The following STX1A variants were observed in gnomAD, a reference collection of about 807,000 sequenced individuals.
STX1A encodes the protein syntaxin 1A.
STX1A carries 4 observed loss-of-function variants against 37.8 expected under a neutral mutation model. The observed-to-expected ratio is 0.11, with a 90% confidence interval of 0.05 to 0.24. The LOEUF is 0.24. STX1A is among the 10% of genes least tolerant of loss of function. STX1A has a pLI of 1.00. For missense variants in STX1A, 251 were observed against 399.9 expected, an observed-to-expected ratio of 0.63 and a Z score of 3.18; for synonymous variants, 135 against 147.4, an observed-to-expected ratio of 0.92 and a Z score of 0.61.
rs1263188006 is a variant in STX1A, at chr7:73,708,725, CA to C, written c.109-38del. 4 of 1,600,070 alleles carry C rather than the reference CA, an allele frequency of 2.5e-6. No homozygotes were observed. The African/African-American group carries it at 5.4e-5, about 21-fold the overall frequency. ...GGCCAGGTGGTCAGGAGAAGGAAATCAGGGGAGAAGCCTTCTGGGGCCCAGA... is the reference window on the plus strand; with the variant it reads ...GGCCAGGTGGTCAGGAGAAGGAAATCGGGGAGAAGCCTTCTGGGGCCCAGA... On this transcript the variant is annotated intron_variant, in intron 2 of 9. Coordinates refer to ENST00000222812, the MANE Select transcript of STX1A (RefSeq NM_004603.4).
chr7:73,708,469 C>T, intron 3 of STX1A, 120 bp downstream of exon 3: 2 of 962,682 alleles, frequency 2.1e-6, no homozygotes, highest in East Asian at 2.7e-5. Context: ...CCTGGCCCGC[C>T]CAGACACTCC....
chr7:73,708,921 G>A (rs949343935), intron 2 of STX1A, 124 bp downstream of exon 2: 12 of 1,121,270 alleles, frequency 1.1e-5, no homozygotes, highest in Middle Eastern at 2.0e-4. Flanking sequence ...CGGTTCATTC[G>A]TTGGCACCCC....
Position 73,717,180 on chromosome 7 carries a change from G to T in STX1A, c.30+2422C>A, listed in dbSNP as rs1554618806. Among the ~76,000 whole-genome samples, 1 of 151,846 alleles carries T rather than the reference G, an allele frequency of 6.6e-6. No homozygotes were observed. Among genetic ancestry groups the T allele is most frequent in the East Asian group, 1.9e-4 (1 of 5,178 alleles). ...CCTTCCAAATGTGGTGGTGTTGGGT[G>T]GGGGAGAAGGAGAAAGAAGAGGGAG... On this transcript the variant is annotated intron_variant, in intron 1 of 9. Transcript: ENST00000222812. The surrounding 1 kb of genome is among the most constrained non-coding windows in gnomAD (Gnocchi z 4.1).
intron 3 of STX1A, among the ~76,000 whole-genome samples, 177 bp downstream of exon 3, chr7:73,708,412 C>G (rs957514305): frequency 3.3e-5 from 5 of 152,182 alleles, no homozygotes; most frequent in Non-Finnish European, 7.4e-5. Flanking sequence ...CAGTTCCAAG[C>G]CGGGGACAGC....
intron 1 of STX1A, among the ~76,000 whole-genome samples, chr7:73,714,638 A>C (rs1215603277): frequency 6.6e-6 from 1 of 151,536 alleles, no homozygotes; most frequent in Non-Finnish European, 1.5e-5. Flanking sequence ...GAGCTCAAGC[A>C]GTCTTCCCGC....
At chr7:73,719,295 CA>C (rs1446520145) in intron 1 of STX1A, among the ~76,000 whole-genome samples, 2 of 152,118 alleles carry the variant, frequency 1.3e-5, no homozygotes, top group Non-Finnish European at 2.9e-5. Flanking sequence ...GTCCCGCCAC[CA>C]AAACCCCATC....
In STX1A at chr7:73,709,688, A is replaced by G. The variant is rs1431097325; in HGVS notation, c.31-566T>C. Among the ~76,000 whole-genome samples the G allele has an allele frequency of 2.0e-5, 3 of 150,898 alleles. No homozygotes were observed. The highest frequency in any genetic ancestry group is 4.9e-5 in the African/African-American group (2 of 40,934). On this transcript the variant is annotated intron_variant, in intron 1 of 9. Coordinates refer to ENST00000222812, the MANE Select transcript of STX1A (RefSeq NM_004603.4). The surrounding 1 kb of genome is among the most constrained non-coding windows in gnomAD (Gnocchi z 4.2). ...CTCAGCATCCCGAGTAGCTGGAATT[A>G]TAGGTTTCCACAACCATGCCTGGCT...
rs978775301 is a variant in STX1A, at chr7:73,705,405, C to T, written c.209-181G>A. ...CCCCCAATTCTGGGCCAGGGCTGCA[C>T]CAGCTGCAGCTTCACCCCCTCTTGT... On this transcript the variant is annotated intron_variant, in intron 3 of 9. Transcript: ENST00000222812. This position sits in a 1 kb window ranked among gnomAD's most constrained non-coding sequence, Gnocchi z 5.2. The T allele has an allele frequency of 1.7e-6, 1 of 598,262 alleles. No individual in the cohort carries two copies. Among genetic ancestry groups the T allele is most frequent in the African/African-American group, 1.9e-5 (1 of 53,606 alleles). 37.1% of individuals were successfully genotyped at this position (598,262 alleles called of 1,614,324 possible).
At chr7:73,704,883 T>C in intron 4 of STX1A, 1 of 568,662 alleles carries the variant, frequency 1.8e-6, no homozygotes, top group Non-Finnish European at 3.2e-6. Flanking sequence ...TCTTCAACCC[T>C]CTTTAGCAGA....
At chr7:73,703,953 G>GGC in intron 6 of STX1A, 125 bp from the exon 7 acceptor site, 4 of 1,082,188 alleles carry the variant, frequency 3.7e-6, no homozygotes, top group Non-Finnish European at 5.2e-6. Context: ...GCAGCCTCAG[G>GGC]CCCCGCCCCC....
rs782392630 is a variant in STX1A at position 73,702,257 on chromosome 7, C to CG, written c.678+587dup. Among the ~76,000 whole-genome samples the CG allele has an allele frequency of 1.3e-4, 20 of 152,278 alleles. 1 individual carries two copies. In the South Asian group the frequency reaches 4.1e-3, roughly 32 times the overall value. ...GACCACTCACTCCAACAAAGGCAGCCGCCCCATCGTGGTCACGGTGTTACT... is the reference window on the plus strand; with the variant it reads ...GACCACTCACTCCAACAAAGGCAGCCGGCCCCATCGTGGTCACGGTGTTACT... On this transcript the variant is annotated intron_variant, in intron 8 of 9. Coordinates refer to ENST00000222812, the MANE Select transcript of STX1A (RefSeq NM_004603.4). This position sits in a 1 kb window ranked among gnomAD's most constrained non-coding sequence, Gnocchi z 4.7.
chr7:73,704,229 C>A lies in STX1A; in HGVS notation c.385G>T (p.Glu129Ter). ...QHSTLSRKFVEVMSEYNATQS... is the reference protein window; with the variant it reads ...QHSTLSRKFV ...GTGGCGTTGTACTCCGACATGACCT[C>A]CACAAACTTTCTGGACAGCGTGGAG... is the stretch of plus-strand genomic sequence containing the variant. The change falls in exon 6 of 10, where the codon GAG becomes TAG. Residue 129 changes from glutamate (E) to a stop codon, truncating the protein, a stop_gained. Transcript: ENST00000222812. LOFTEE classifies it high-confidence loss of function. 1.2e-6 allele frequency: 2 copies of A among 1,613,958 alleles called. No homozygotes were observed. Among genetic ancestry groups the A allele is most frequent in the Non-Finnish European group, 1.7e-6 (2 of 1,180,004 alleles).
intron 6 of STX1A, 140 bp downstream of exon 6, chr7:73,704,008 C>T: frequency 9.0e-7 from 1 of 1,109,988 alleles, no homozygotes; most frequent in Non-Finnish European, 1.3e-6. Context: ...GCCCCTCCAG[C>T]CCCAAACTCA....
chr7:73,716,270 T>A (rs782396735), intron 1 of STX1A, among the ~76,000 whole-genome samples: 7 of 152,252 alleles, frequency 4.6e-5, no homozygotes, highest in Non-Finnish European at 7.3e-5. Context: ...GCAAAGTAGG[T>A]AACACTGGCT....
At chr7:73,701,892 A>G (rs1798672076) in intron 8 of STX1A, among the ~76,000 whole-genome samples, 3 of 152,128 alleles carry the variant, frequency 2.0e-5, no homozygotes, top group Admixed American at 2.0e-4. Context: ...GAGTTCCGAG[A>G]CCAGCCTGGG....
rs13234874 is a variant in STX1A, at chr7:73,700,059, C to T, written c.*348G>A. The T allele has an allele frequency of 0.021, 8,116 of 384,610 alleles. 140 individuals are homozygous for T. The highest frequency in any genetic ancestry group is 0.032 in the Non-Finnish European group (6,459 of 204,802). The allele number at this position is 384,610 out of a possible 1,614,324, so 23.8% of individuals were successfully genotyped here. Reference sequence around the variant, plus strand: ...GGTCAGCTGGAGGCGAGGTTAGGGTCCCCAGGGAAGAGCAGAACCTGGGCC... The same window carrying T: ...GGTCAGCTGGAGGCGAGGTTAGGGTTCCCAGGGAAGAGCAGAACCTGGGCC... On this transcript the variant is annotated 3_prime_UTR_variant, in exon 10 of 10. Coordinates refer to ENST00000222812, the MANE Select transcript of STX1A (RefSeq NM_004603.4). The surrounding 1 kb of genome is among the most constrained non-coding windows in gnomAD (Gnocchi z 4.4).
At chr7:73,701,600 T>C (rs1234010523) in intron 8 of STX1A, among the ~76,000 whole-genome samples, 1 of 151,746 alleles carries the variant, frequency 6.6e-6, no homozygotes, top group Non-Finnish European at 1.5e-5. Context: ...TCTGGTCCCA[T>C]GCTGCCCCCA....
chr7:73,715,430 A>C (rs1379004078), intron 1 of STX1A, among the ~76,000 whole-genome samples: 1 of 151,942 alleles, frequency 6.6e-6, no homozygotes, highest in Non-Finnish European at 1.5e-5. Context: ...AAAAAAACAA[A>C]AAAAAAACCA....
chr7:73,700,543 CTA>C lies in STX1A; in HGVS notation c.790-61_790-60del. ...AGTGTTGGCGGCAGGTGGGGTGGGA[CTA>C]TGGCAAAGGCTGAGGACTGGACAGT... is the stretch of plus-strand genomic sequence containing the variant. On this transcript the variant is annotated intron_variant, in intron 9 of 9. Coordinates refer to ENST00000222812, the MANE Select transcript of STX1A (RefSeq NM_004603.4). This position sits in a 1 kb window ranked among gnomAD's most constrained non-coding sequence, Gnocchi z 4.4. 1 of 1,593,184 alleles carries C rather than the reference CTA, an allele frequency of 6.3e-7. No homozygotes were observed. Among genetic ancestry groups the C allele is most frequent in the Non-Finnish European group, 8.6e-7 (1 of 1,167,678 alleles).
Sources: allele counts gnomAD v4.1 joint callset (sites outside exome capture counted in the v4.1 genomes callset), GRCh38; gene constraint gnomAD v4.1.1; non-coding constraint Gnocchi (gnomAD v3.1); transcripts MANE v1.5; gene names NCBI Gene and HGNC (gene_info 2026-07-23, HGNC 2026-07-21).